Variants in SOCS7 observed in about 807,000 individuals in gnomAD.
The protein encoded by SOCS7 is NAP-4.
SOCS7 carries 18 observed loss-of-function variants against 58.9 expected under a neutral mutation model. The ratio of observed to expected loss-of-function variants is 0.31; its 90% confidence interval spans 0.21 to 0.45. The LOEUF (loss-of-function observed/expected upper bound fraction) is 0.45. Among genes scored for constraint, SOCS7 ranks in the 20% least tolerant of loss-of-function variants. The pLI is 1.00. For missense variants in SOCS7, 667 were observed against 837.3 expected (o/e 0.80, Z 2.51); for synonymous variants, 388 against 364.3 (o/e 1.06, Z -0.74).
At position 38,395,518 on chromosome 17, in the gene SOCS7, C is replaced by T. The variant is rs2038233919; in HGVS notation, c.1817+74C>T. On this transcript the variant is annotated intron_variant, in intron 8 of 9. Coordinates refer to ENST00000612932, the MANE Select transcript of SOCS7 (RefSeq NM_014598.4). ...GGGGAGGTAACAATGTCAGTGAGGC[C>T]TGCAAGCTACCTTCACAGGCAGAGT... 11 of 1,432,178 alleles carry T rather than the reference C, an allele frequency of 7.7e-6. No homozygotes were observed. In the East Asian group the frequency reaches 2.5e-4, roughly 33 times the overall value. 88.7% of individuals were successfully genotyped at this position (1,432,178 alleles called of 1,614,324 possible).
chr17:38,395,215 T>C, intron 7 of SOCS7, 94 bp from the exon 8 acceptor site: 1 of 1,322,080 alleles, frequency 7.6e-7, no homozygotes, highest in East Asian at 2.3e-5. Context: ...CATAAAGAAG[T>C]CCCATTTCCC....
intron 7 of SOCS7, among the ~76,000 whole-genome samples, chr17:38,390,797 G>T (rs919259805): frequency 6.0e-5 from 9 of 150,214 alleles, no homozygotes; most frequent in Non-Finnish European, 1.0e-4. Context: ...CCCTGGCCCA[G>T]TGTGTCCTGC....
chr17:38,367,558 G>A (rs1296584217), intron 5 of SOCS7, among the ~76,000 whole-genome samples: 2 of 151,656 alleles, frequency 1.3e-5, no homozygotes, highest in African/African-American at 2.4e-5. Context: ...ATTTTTAGTA[G>A]AGATGGGTTT....
chr17:38,357,161 G>A (rs1401448129), intron 1 of SOCS7, among the ~76,000 whole-genome samples: 1 of 152,122 alleles, frequency 6.6e-6, no homozygotes, highest in Non-Finnish European at 1.5e-5. Context: ...ATCCATTTGG[G>A]GCCCTGCTGT....
intron 9 of SOCS7, among the ~76,000 whole-genome samples, chr17:38,396,903 A>G (rs957819081): frequency 6.6e-6 from 1 of 152,176 alleles, no homozygotes; most frequent in Non-Finnish European, 1.5e-5. Flanking sequence ...AAATGACTAA[A>G]TATCTAATGT....
At chr17:38,364,684 C>G (rs55798428) in intron 2 of SOCS7, 68 bp from the exon 3 acceptor site, 244 of 1,325,840 alleles carry the variant, frequency 1.8e-4, no homozygotes, top group Non-Finnish European at 2.2e-4. Context: ...CCCTTTGCTT[C>G]CCTTTGCTTT....
At position 38,400,338 on chromosome 17, in the gene SOCS7, T is replaced by C. The variant is rs2038302541; in HGVS notation, c.*856T>C. On this transcript the variant is annotated 3_prime_UTR_variant, in exon 10 of 10. Coordinates refer to ENST00000612932, the MANE Select transcript of SOCS7 (RefSeq NM_014598.4). ...CAGCATCCCTATTGCTTCTGCCAGCTGTCATGGCAATCGTGTTTCCCATCA... is the reference window on the plus strand; with the variant it reads ...CAGCATCCCTATTGCTTCTGCCAGCCGTCATGGCAATCGTGTTTCCCATCA... The C allele has an allele frequency of 6.6e-6, 1 of 152,244 alleles. No homozygotes were observed. Among genetic ancestry groups the C allele is most frequent in the South Asian group, 2.1e-4 (1 of 4,828 alleles). 9.4% of individuals were successfully genotyped at this position (152,244 alleles called of 1,614,324 possible).
At chr17:38,364,705 T>G (rs766587451) in intron 2 of SOCS7, 47 bp from the exon 3 acceptor site, 5 of 1,517,420 alleles carry the variant, frequency 3.3e-6, no homozygotes, top group African/African-American at 1.4e-5. Flanking sequence ...CTGCATCAGC[T>G]TTGGGCAAGG....
intron 1 of SOCS7, among the ~76,000 whole-genome samples, chr17:38,361,405 C>G (rs587599862): frequency 2.4e-4 from 36 of 152,348 alleles, no homozygotes; most frequent in Admixed American, 4.6e-4. Flanking sequence ...CTTCCTTCCT[C>G]TTGAAATGGA....
intron 7 of SOCS7, among the ~76,000 whole-genome samples, chr17:38,384,733 C>T (rs758131001): frequency 5.9e-5 from 9 of 151,904 alleles, no homozygotes; most frequent in Non-Finnish European, 1.3e-4. Context: ...GCTGGGATTA[C>T]AGGCACACAC....
At chr17:38,371,444 A>G (rs866468491) in intron 6 of SOCS7, among the ~76,000 whole-genome samples, 16 of 152,092 alleles carry the variant, frequency 1.1e-4, no homozygotes, top group South Asian at 1.0e-3. Context: ...TAATTTTTGT[A>G]TTTTTAGTAG....
intron 7 of SOCS7, among the ~76,000 whole-genome samples, chr17:38,389,908 G>GTACATATATATATATGTAC (rs2038146914): frequency 4.4e-4 from 3 of 6,778 alleles, no homozygotes; most frequent in African/African-American, 8.7e-4. Flanking sequence ...TACACATATA[G>GTACATATATATATATGTAC]AGAGAGAGAG....
At chr17:38,389,881 A>ATG (rs1491506265) in intron 7 of SOCS7, among the ~76,000 whole-genome samples, 1 of 103,632 alleles carries the variant, frequency 9.6e-6, no homozygotes, top group African/African-American at 4.9e-5. Flanking sequence ...ATATATATAT[A>ATG]TGTACATATA....
chr17:38,394,729 C>T (rs1439261278), intron 7 of SOCS7, among the ~76,000 whole-genome samples: 3 of 152,164 alleles, frequency 2.0e-5, no homozygotes, highest in East Asian at 1.9e-4. Context: ...TGGGCTACTC[C>T]GAGGAGCAGG....
chr17:38,353,119 C>A (rs1344769213), intron 1 of SOCS7, 87 bp downstream of exon 1: 2 of 1,278,924 alleles, frequency 1.6e-6, no homozygotes, highest in East Asian at 5.1e-5. Context: ...CCTGACAGTT[C>A]TTAAGATAGG....
chr17:38,355,080 G>A (rs1048164507), intron 1 of SOCS7, among the ~76,000 whole-genome samples: 2 of 152,166 alleles, frequency 1.3e-5, no homozygotes, highest in African/African-American at 4.8e-5. Flanking sequence ...TTTTTTTGAT[G>A]AATTGGAGAA....
Position 38,353,014 on chromosome 17 carries a change from GGGAGCT to G in SOCS7, c.966_971del (p.Glu322_Leu323del). 1.3e-6 allele frequency: 2 copies of G among 1,591,928 alleles called. No individual in the cohort carries two copies. The highest frequency in any genetic ancestry group is 1.7e-6 in the Non-Finnish European group (2 of 1,169,834). On this transcript the variant is annotated inframe_deletion, in exon 1 of 10. Transcript: ENST00000612932. ...ACAGACATGGGAGGCTCTGCGGGCC[GGGAGCT>G]GGACGCGGGGAGGTGAGACCGGCCG...
rs572377348 is a variant in SOCS7, at chr17:38,352,232, G to A, written c.180G>A (p.Arg60=). The change falls in exon 1 of 10, where the codon CGG becomes CGA. Residue 60 remains arginine (R), a synonymous_variant. Coordinates refer to ENST00000612932, the MANE Select transcript of SOCS7 (RefSeq NM_014598.4). The surrounding 1 kb of genome is among the most constrained non-coding windows in gnomAD (Gnocchi z 5.5). ...CGCGGCCCGGCCCGCGGGGCTCCCG[G>A]CCGCCGCAGCTGATGGTGTTCCGCA... ...FLARPGPRGS[R]PPQLMVFRNV... The A allele has an allele frequency of 7.2e-6, 10 of 1,382,256 alleles. No homozygotes were observed. The African/African-American group carries it at 1.4e-4, about 19-fold the overall frequency. The allele number at this position is 1,382,256 out of a possible 1,614,324, so 85.6% of individuals were successfully genotyped here.
chr17:38,365,227 T>TC, intron 3 of SOCS7, 81 bp from the exon 4 acceptor site: 1 of 1,049,924 alleles, frequency 9.5e-7, no homozygotes, highest in Middle Eastern at 2.3e-4. Flanking sequence ...AGCCTGATAG[T>TC]CCTTCTCCCT....
Sources: allele counts gnomAD v4.1 joint callset (sites outside exome capture counted in the v4.1 genomes callset), GRCh38; gene constraint gnomAD v4.1.1; non-coding constraint Gnocchi (gnomAD v3.1); transcripts MANE v1.5; gene names NCBI Gene and HGNC (gene_info 2026-07-23, HGNC 2026-07-21).